KCNIP1: variants seen among roughly 807,000 people sequenced by gnomAD.
KCNIP1 encodes A-type potassium channel modulatory protein KCNIP1.
KCNIP1 carries 18 observed loss-of-function variants against 33.0 expected under a neutral mutation model. The ratio of observed to expected loss-of-function variants is 0.55; its 90% CI spans 0.38 to 0.81. The LOEUF is 0.81. KCNIP1 is among the 30% of genes least tolerant of loss of function. The pLI, the probability that KCNIP1 is intolerant of heterozygous loss-of-function variation, is 0.00. For synonymous variants in KCNIP1, 93 were observed against 98.3 expected, an observed-to-expected ratio of 0.95 and a Z score of 0.32; for missense variants, 238 against 271.6, an observed-to-expected ratio of 0.88 and a Z score of 0.87.
At chr5:170,490,304 A>G (rs1175655224) in intron 1 of KCNIP1, among the ~76,000 whole-genome samples, 1 of 152,084 alleles carries the variant, frequency 6.6e-6, no homozygotes, top group Non-Finnish European at 1.5e-5. Context: ...GACTGCTCTC[A>G]CCCTTGCTTT....
chr5:170,702,915 C>A (rs1050672832), intron 1 of KCNIP1, among the ~76,000 whole-genome samples: 21 of 149,592 alleles, frequency 1.4e-4, no homozygotes, highest in African/African-American at 5.2e-4. Flanking sequence ...GAAGTGTCAC[C>A]TTTTCTCTTT....
chr5:170,394,483 AT>A (rs997428890), intron 1 of KCNIP1, among the ~76,000 whole-genome samples: 1 of 151,974 alleles, frequency 6.6e-6, no homozygotes, highest in African/African-American at 2.4e-5. Context: ...GGGAAAAAAA[AT>A]CTCTCGCTTT....
At chr5:170,580,329 C>T (rs962455955) in intron 1 of KCNIP1, among the ~76,000 whole-genome samples, 8 of 152,300 alleles carry the variant, frequency 5.3e-5, no homozygotes, top group African/African-American at 1.9e-4. Flanking sequence ...TAATAACTAA[C>T]ATCAAATGAG....
At chr5:170,639,894 C>T (rs1006462828) in intron 1 of KCNIP1, among the ~76,000 whole-genome samples, 3 of 152,256 alleles carry the variant, frequency 2.0e-5, no homozygotes, top group Admixed American at 6.5e-5. Context: ...TTCTTTCACA[C>T]ATAAAAGAAG....
chr5:170,517,235 A>C (rs1000213128), intron 1 of KCNIP1, among the ~76,000 whole-genome samples: 2 of 152,112 alleles, frequency 1.3e-5, no homozygotes, highest in African/African-American at 2.4e-5. Context: ...AGAGAGAGCA[A>C]AGGGGGGTGT....
chr5:170,700,563 T>A (rs1407587269), intron 1 of KCNIP1, among the ~76,000 whole-genome samples: 4 of 152,086 alleles, frequency 2.6e-5, no homozygotes, highest in Non-Finnish European at 5.9e-5. Flanking sequence ...AGTGAGACCC[T>A]GTCTCAAAAA....
chr5:170,436,440 G>A (rs919431163), intron 1 of KCNIP1, among the ~76,000 whole-genome samples: 2 of 152,208 alleles, frequency 1.3e-5, no homozygotes, highest in South Asian at 2.1e-4. Flanking sequence ...TGCCAGGACT[G>A]AGGCCAGAAT....
chr5:170,681,634 G>T (rs547490266), intron 1 of KCNIP1, among the ~76,000 whole-genome samples: 3 of 152,304 alleles, frequency 2.0e-5, no homozygotes, highest in South Asian at 4.1e-4. Flanking sequence ...TAATCACAGT[G>T]TCTGACAATT....
At chr5:170,554,322 G>T (rs1290808426) in intron 1 of KCNIP1, among the ~76,000 whole-genome samples, 2 of 152,116 alleles carry the variant, frequency 1.3e-5, no homozygotes, top group Non-Finnish European at 2.9e-5. Context: ...CGAGAGGAAG[G>T]TACATTTTGC....
At chr5:170,536,659 G>A (rs932163911) in intron 1 of KCNIP1, among the ~76,000 whole-genome samples, 2 of 152,202 alleles carry the variant, frequency 1.3e-5, no homozygotes, top group African/African-American at 4.8e-5. Flanking sequence ...CCACACACCT[G>A]CAGAGACATT....
At chr5:170,714,933 G>A (rs139536602) in intron 1 of KCNIP1, among the ~76,000 whole-genome samples, 1 of 152,030 alleles carries the variant, frequency 6.6e-6, no homozygotes, top group East Asian at 1.9e-4. Flanking sequence ...CATAAAGTAT[G>A]TATAAAGCCT....
chr5:170,633,645 G>A (rs1348617470), intron 1 of KCNIP1, among the ~76,000 whole-genome samples: 3 of 143,716 alleles, frequency 2.1e-5, no homozygotes, highest in African/African-American at 7.8e-5. Flanking sequence ...GAACTAAGAG[G>A]AGAGGAGAGG....
At chr5:170,700,407 T>TA (rs1763052241) in intron 1 of KCNIP1, among the ~76,000 whole-genome samples, 1 of 151,968 alleles carries the variant, frequency 6.6e-6, no homozygotes, top group Non-Finnish European at 1.5e-5. Flanking sequence ...CTCTACAAAA[T>TA]AAAAAATAAA....
At position 170,655,242 on chromosome 5, in the gene KCNIP1, G is replaced by A. The variant is rs188223657; in HGVS notation, c.62-63516G>A. On this transcript the variant is annotated intron_variant, in intron 1 of 7. Coordinates refer to ENST00000328939, the MANE Select transcript of KCNIP1 (RefSeq NM_014592.4). ...CTCTTTCTTTAGTTGTGCATTAGAT[G>A]AGGAAGTCAGAGTGCATTAATATTC... 1.5e-3 allele frequency among the ~76,000 whole-genome samples: 233 copies of A among 152,288 alleles called. 1 individual carries two copies. The highest frequency in any genetic ancestry group is 5.3e-3 in the African/African-American group (219 of 41,548).
rs574341985 is a variant in KCNIP1, at chr5:170,687,128, G to A, written c.62-31630G>A. On this transcript the variant is annotated intron_variant, in intron 1 of 7. Transcript: ENST00000328939. ...GCTCGTCAATCACTCTTAAAAATCC[G>A]GTTTCTCCTTAGGCAATCATTTTGT... is the stretch of plus-strand genomic sequence containing the variant. 2.4e-4 allele frequency among the ~76,000 whole-genome samples: 36 copies of A among 151,946 alleles called. No individual in the cohort carries two copies. In the South Asian group the frequency reaches 6.9e-3, roughly 29 times the overall value.
intron 1 of KCNIP1, chr5:170,483,889 C>G (rs926727562): frequency 6.6e-6 from 1 of 152,202 alleles, no homozygotes. Flanking sequence ...ATGAATGTGA[C>G]AAAGGAGAAG....
intron 1 of KCNIP1, among the ~76,000 whole-genome samples, chr5:170,512,774 G>T (rs768595404): frequency 1.9e-4 from 29 of 152,326 alleles, no homozygotes; most frequent in Non-Finnish European, 4.0e-4. Context: ...TCCCGGCCAG[G>T]CGCGGTGGCT....
chr5:170,526,766 A>C (rs1581274665), intron 1 of KCNIP1, among the ~76,000 whole-genome samples: 1 of 130,020 alleles, frequency 7.7e-6, no homozygotes, highest in African/African-American at 3.0e-5. Flanking sequence ...TCTGTTGCCC[A>C]GGCTGGAATG....
At chr5:170,581,310 A>G (rs927416502) in intron 1 of KCNIP1, among the ~76,000 whole-genome samples, 5 of 152,248 alleles carry the variant, frequency 3.3e-5, no homozygotes, top group African/African-American at 7.2e-5. Flanking sequence ...GGCTAGACCC[A>G]GGACTCACAA....
Sources: gnomAD v4.1 joint callset for allele counts (sites outside exome capture counted in the v4.1 genomes callset) on GRCh38, gnomAD v4.1.1 for gene constraint, MANE v1.5 for transcripts, NCBI Gene and HGNC (gene_info 2026-07-23, HGNC 2026-07-21) for gene names.